FRMD4A: variants seen among roughly 807,000 people sequenced by gnomAD.
The protein encoded by FRMD4A is FERM domain containing 4A.
In FRMD4A, 29 loss-of-function variants were observed where a neutral mutation model predicts 129.1. The ratio of observed to expected loss-of-function variants is 0.22; its 90% CI spans 0.17 to 0.31. The LOEUF is 0.31. FRMD4A is among the 10% of genes least tolerant of loss of function. The probability of loss-of-function intolerance (pLI) is 1.00; values close to 1 mark genes in which losing one functional copy is unlikely to be tolerated. For synonymous variants in FRMD4A, 634 were observed against 571.6 expected (o/e 1.11, Z -1.56); for missense variants, 1,272 against 1,375.8 (o/e 0.92, Z 1.19).
At chr10:14,137,560 A>C (rs1013070324) in intron 2 of FRMD4A, among the ~76,000 whole-genome samples, 2 of 152,180 alleles carry the variant, frequency 1.3e-5, no homozygotes, top group Admixed American at 1.3e-4. Flanking sequence ...GAGTGAAGTG[A>C]TTGAAGTTGA....
intron 2 of FRMD4A, among the ~76,000 whole-genome samples, chr10:14,047,331 C>G (rs759589564): frequency 6.6e-5 from 10 of 152,124 alleles, no homozygotes; most frequent in Non-Finnish European, 1.5e-4. Flanking sequence ...TGGTACCTCA[C>G]AGTGAATCTC....
intron 2 of FRMD4A, among the ~76,000 whole-genome samples, chr10:14,015,638 T>G (rs1413549139): frequency 6.6e-6 from 1 of 152,186 alleles, no homozygotes; most frequent in Admixed American, 6.5e-5. Context: ...ATGCTCTTCT[T>G]GTATTCTGTA....
intron 3 of FRMD4A, among the ~76,000 whole-genome samples, chr10:13,853,430 G>A (rs548504863): frequency 7.2e-5 from 11 of 152,246 alleles, no homozygotes; most frequent in African/African-American, 2.6e-4. Flanking sequence ...CCCAGCTACT[G>A]GAGAGGCTGA....
intron 12 of FRMD4A, among the ~76,000 whole-genome samples, chr10:13,735,121 C>T (rs2090559222): frequency 6.6e-6 from 1 of 152,224 alleles, no homozygotes. Context: ...GATCCACCCG[C>T]CTCGGCCTCC....
rs186413541 is a variant in FRMD4A, at chr10:13,843,245, C to T, written c.111+15602G>A. Among the ~76,000 whole-genome samples, 11 of 152,200 alleles carry T rather than the reference C, an allele frequency of 7.2e-5. No individual in the cohort carries two copies. In the East Asian group the frequency reaches 2.1e-3, roughly 29 times the overall value. On this transcript the variant is annotated intron_variant, in intron 3 of 24. Coordinates refer to ENST00000357447, the MANE Select transcript of FRMD4A (RefSeq NM_018027.5). ...CTCTGACTCAGTATATTGGGGGTGC[C>T]GACCGGGAACTTGCATTTCCACATC...
At chr10:13,876,017 T>C (rs570866018) in intron 2 of FRMD4A, among the ~76,000 whole-genome samples, 1 of 152,198 alleles carries the variant, frequency 6.6e-6, no homozygotes, top group African/African-American at 2.4e-5. Context: ...TCGGATTCAA[T>C]GGAAGGAAGA....
intron 8 of FRMD4A, among the ~76,000 whole-genome samples, chr10:13,748,881 T>C (rs571086233): frequency 5.9e-5 from 9 of 152,290 alleles, no homozygotes; most frequent in African/African-American, 1.9e-4. Context: ...TGAGGGAGAC[T>C]CAACCTGTAC....
intron 2 of FRMD4A, among the ~76,000 whole-genome samples, chr10:14,185,571 A>C (rs74657239): frequency 7.9e-5 from 12 of 152,244 alleles, no homozygotes; most frequent in Non-Finnish European, 1.0e-4. Flanking sequence ...TTAAAGGTTC[A>C]ATCTCGTCTT....
chr10:14,218,071 C>A (rs1008195138), intron 2 of FRMD4A, among the ~76,000 whole-genome samples: 2 of 152,200 alleles, frequency 1.3e-5, no homozygotes, highest in African/African-American at 4.8e-5. Context: ...TTCAACTGAT[C>A]CACCCGCCTG....
Position 13,644,337 on chromosome 10 carries a change from C to A in FRMD4A, c.*2701G>T, listed in dbSNP as rs900873755. ...TAAAGAGTTTGCAAGTGCTTGTGTACAATAACTACATCATTTCCCACCACA... is the reference window on the plus strand; with the variant it reads ...TAAAGAGTTTGCAAGTGCTTGTGTAAAATAACTACATCATTTCCCACCACA... On this transcript the variant is annotated 3_prime_UTR_variant, in exon 25 of 25. Coordinates refer to ENST00000357447, the MANE Select transcript of FRMD4A (RefSeq NM_018027.5). 3.9e-5 allele frequency: 6 copies of A among 152,210 alleles called. No individual in the cohort carries two copies. The highest frequency in any genetic ancestry group is 7.3e-5 in the Non-Finnish European group (5 of 68,034). The allele number at this position is 152,210 out of a possible 1,614,324, so 9.4% of individuals were successfully genotyped here.
chr10:13,856,158 T>C (rs1486793385), intron 3 of FRMD4A, among the ~76,000 whole-genome samples: 2 of 151,132 alleles, frequency 1.3e-5, no homozygotes, highest in Non-Finnish European at 3.0e-5. Context: ...TGTAGATAGA[T>C]TGTGTGTGTA....
chr10:14,285,209 G>C (rs757036058), intron 2 of FRMD4A, among the ~76,000 whole-genome samples: 5 of 152,226 alleles, frequency 3.3e-5, no homozygotes, highest in Non-Finnish European at 7.3e-5. Context: ...GGTCAGACAA[G>C]CAAAGCAGGG....
chr10:14,084,918 C>T (rs970182646), intron 2 of FRMD4A, among the ~76,000 whole-genome samples: 2 of 152,198 alleles, frequency 1.3e-5, no homozygotes, highest in African/African-American at 4.8e-5. Context: ...CCCCGCATGG[C>T]CCTGTGTGGC....
chr10:13,745,230 G>T (rs2091228999), intron 9 of FRMD4A, among the ~76,000 whole-genome samples: 1 of 152,146 alleles, frequency 6.6e-6, no homozygotes, highest in Non-Finnish European at 1.5e-5. Flanking sequence ...TATAAATAAG[G>T]TTGAAATATT....
In FRMD4A at chr10:13,666,173, C is replaced by G. The variant is rs779715892; in HGVS notation, c.1527G>C (p.Glu509Asp). The stretch of plus-strand genomic sequence containing the variant: ...GGTTCTCATTGATTGCATTTTCAAT[C>G]TCCTGCAGTTTCTTCAGTGCATTCA... ...SYLNALKKLQ[E>D]IENAINENRI... The change falls in exon 18 of 25, where the codon GAG becomes GAC. Residue 509 changes from glutamate (E) to aspartate (D), a missense_variant. This residue lies in a region of FRMD4A where 972 missense variants were observed against 892.3 expected (regional missense o/e 1.09). Transcript: ENST00000357447. 1.2e-6 allele frequency: 2 copies of G among 1,613,744 alleles called. No individual in the cohort carries two copies. Among genetic ancestry groups the G allele is most frequent in the Non-Finnish European group, 1.7e-6 (2 of 1,179,620 alleles).
At chr10:13,974,885 T>C (rs556307809) in intron 2 of FRMD4A, among the ~76,000 whole-genome samples, 30 of 152,372 alleles carry the variant, frequency 2.0e-4, no homozygotes, top group Admixed American at 1.8e-3. Flanking sequence ...CCACGTGGCC[T>C]CTGAGAGGCT....
chr10:13,965,236 G>A (rs752905309), intron 2 of FRMD4A, among the ~76,000 whole-genome samples: 40 of 152,184 alleles, frequency 2.6e-4, no homozygotes, highest in African/African-American at 6.5e-4. Flanking sequence ...CTTAAATGCC[G>A]ACTCGCCCAC....
At chr10:13,999,597 G>A (rs1048929918) in intron 2 of FRMD4A, among the ~76,000 whole-genome samples, 2 of 152,244 alleles carry the variant, frequency 1.3e-5, no homozygotes, top group African/African-American at 4.8e-5. Context: ...AGGAAAGCCA[G>A]TCAGGCTTGG....
chr10:13,741,128 A>G (rs2090978894), intron 9 of FRMD4A, among the ~76,000 whole-genome samples: 1 of 152,066 alleles, frequency 6.6e-6, no homozygotes, highest in Non-Finnish European at 1.5e-5. Context: ...TGGCTGGCTT[A>G]TCTTGGATTT....
Sources: allele counts gnomAD v4.1 joint callset (sites outside exome capture counted in the v4.1 genomes callset), GRCh38; gene constraint gnomAD v4.1.1; regional missense constraint gnomAD v4.1.1; transcripts MANE v1.5; gene names NCBI Gene and HGNC (gene_info 2026-07-23, HGNC 2026-07-21).